The following SEMA6D variants were observed in gnomAD, a reference collection of about 807,000 sequenced individuals.
SEMA6D encodes the protein semaphorin-6D.
In SEMA6D, 35 loss-of-function variants were observed where a neutral mutation model predicts 106.6. That is an observed-to-expected ratio of 0.33 (90% CI 0.25 to 0.44). The LOEUF (loss-of-function observed/expected upper bound fraction) is 0.44. Among genes scored for constraint, SEMA6D ranks in the 20% least tolerant of loss-of-function variants. The pLI is 1.00. For missense variants in SEMA6D, 1,185 were observed against 1,345.9 expected, an observed-to-expected ratio of 0.88 and a Z score of 1.87; for synonymous variants, 499 against 487.7, an observed-to-expected ratio of 1.02 and a Z score of -0.31.
At chr15:47,382,199 G>T (rs929723147) in intron 1 of SEMA6D, among the ~76,000 whole-genome samples, 1 of 152,120 alleles carries the variant, frequency 6.6e-6, no homozygotes, top group Non-Finnish European at 1.5e-5. Context: ...ATTACATGAT[G>T]AGTCAAGCCT....
chr15:47,244,886 G>T (rs995591349), intron 1 of SEMA6D, among the ~76,000 whole-genome samples: 11 of 152,026 alleles, frequency 7.2e-5, no homozygotes, highest in African/African-American at 2.4e-4. Context: ...ATCTGTTGTT[G>T]CCATCTTTAT....
At chr15:47,311,106 T>TA (rs2036432693) in intron 1 of SEMA6D, among the ~76,000 whole-genome samples, 1 of 152,250 alleles carries the variant, frequency 6.6e-6, no homozygotes, top group South Asian at 2.1e-4. Flanking sequence ...CAAGATATTT[T>TA]ATCAACAGAA....
At chr15:47,363,713 C>A (rs2145169901) in intron 1 of SEMA6D, among the ~76,000 whole-genome samples, 1 of 152,210 alleles carries the variant, frequency 6.6e-6, no homozygotes, top group African/African-American at 2.4e-5. Flanking sequence ...AGGTCATGGC[C>A]ACCACAGGAA....
At chr15:47,550,592 C>T (rs1442325000) in intron 3 of SEMA6D, among the ~76,000 whole-genome samples, 4 of 152,128 alleles carry the variant, frequency 2.6e-5, no homozygotes, top group Admixed American at 1.3e-4. Context: ...TGGCTGATCC[C>T]GCCATGTTGT....
chr15:47,318,457 C>G (rs1272244186), intron 1 of SEMA6D, among the ~76,000 whole-genome samples: 1 of 138,604 alleles, frequency 7.2e-6, no homozygotes, highest in Non-Finnish European at 1.6e-5. Flanking sequence ...GTGATGTTCC[C>G]CTTCGTGTGT....
chr15:47,724,561 G>A (rs117184264), intron 1 of SEMA6D, among the ~76,000 whole-genome samples: 2,630 of 152,142 alleles, frequency 0.017, 44 homozygotes, highest in Non-Finnish European at 0.027. Flanking sequence ...TTGGACAGGT[G>A]GACAGTGAGG....
In SEMA6D at chr15:47,363,171, A is replaced by G. The variant is rs184761585; in HGVS notation, c.-238-49222A>G. Among the ~76,000 whole-genome samples the G allele has an allele frequency of 2.5e-3, 388 of 152,286 alleles. 2 individuals are homozygous for G. Among genetic ancestry groups the G allele is most frequent in the African/African-American group, 8.6e-3 (357 of 41,560 alleles). On this transcript the variant is annotated intron_variant, in intron 1 of 19. Transcript: ENST00000558014. ...ATAGATAATATTATTCTCTTTTACA[A>G]ATGAAGATCTGAGGCATAAAGAGGT...
chr15:47,727,619 A>G (rs766228770), intron 1 of SEMA6D, among the ~76,000 whole-genome samples: 1 of 152,236 alleles, frequency 6.6e-6, no homozygotes, highest in Non-Finnish European at 1.5e-5. Flanking sequence ...GAAAGACTAA[A>G]GAAAGTAATA....
At chr15:47,186,813 T>G (rs769477405) in intron 1 of SEMA6D, among the ~76,000 whole-genome samples, 1 of 152,188 alleles carries the variant, frequency 6.6e-6, no homozygotes, top group African/African-American at 2.4e-5. Flanking sequence ...TCTTCTGAAG[T>G]CTCCAGACTC....
At chr15:47,373,280 G>A (rs1033814168) in intron 1 of SEMA6D, among the ~76,000 whole-genome samples, 6 of 152,166 alleles carry the variant, frequency 3.9e-5, no homozygotes, top group Admixed American at 3.3e-4. Flanking sequence ...GATTTTAGTA[G>A]ACAGGAGAGC....
chr15:47,662,096 T>C (rs1476997209), intron 4 of SEMA6D, among the ~76,000 whole-genome samples: 1 of 152,178 alleles, frequency 6.6e-6, no homozygotes, highest in Non-Finnish European at 1.5e-5. Context: ...AGTGTATCAG[T>C]GGGTGTCTGC....
intron 3 of SEMA6D, among the ~76,000 whole-genome samples, chr15:47,591,670 G>A (rs1470239283): frequency 6.6e-6 from 1 of 152,176 alleles, no homozygotes; most frequent in African/African-American, 2.4e-5. Flanking sequence ...GCCTGAGACT[G>A]TAGGAAAAAC....
At chr15:47,255,803 T>C (rs1378780725) in intron 1 of SEMA6D, among the ~76,000 whole-genome samples, 1 of 152,198 alleles carries the variant, frequency 6.6e-6, no homozygotes, top group Admixed American at 6.5e-5. Flanking sequence ...TGCTTATCTC[T>C]AAAAGTGTTA....
intron 3 of SEMA6D, among the ~76,000 whole-genome samples, chr15:47,489,269 A>G (rs2043391565): frequency 6.6e-6 from 1 of 152,182 alleles, no homozygotes; most frequent in Non-Finnish European, 1.5e-5. Context: ...TGGAGGGGGC[A>G]CCGCCCTGCC....
At chr15:47,548,670 A>T (rs58036281) in intron 3 of SEMA6D, among the ~76,000 whole-genome samples, 9,047 of 152,148 alleles carry the variant, frequency 0.059, 307 homozygotes, top group South Asian at 0.089. Context: ...GAAACTAGGG[A>T]TTTGGTTTAT....
At chr15:47,670,496 A>G (rs1214020093) in intron 4 of SEMA6D, among the ~76,000 whole-genome samples, 1 of 152,216 alleles carries the variant, frequency 6.6e-6, no homozygotes, top group East Asian at 1.9e-4. Context: ...GGAAGCAAGC[A>G]AGACATGGGG....
intron 2 of SEMA6D, among the ~76,000 whole-genome samples, chr15:47,419,587 G>C (rs2041087289): frequency 6.6e-6 from 1 of 152,080 alleles, no homozygotes; most frequent in Non-Finnish European, 1.5e-5. Flanking sequence ...GAAGAACATG[G>C]AGGACACCTA....
At chr15:47,285,737 T>C (rs995283940) in intron 1 of SEMA6D, among the ~76,000 whole-genome samples, 3 of 152,204 alleles carry the variant, frequency 2.0e-5, no homozygotes, top group African/African-American at 7.2e-5. Flanking sequence ...ATGCCTTGAC[T>C]CACTTGTAGA....
chr15:47,232,577 G>C (rs960771885), intron 1 of SEMA6D, among the ~76,000 whole-genome samples: 1 of 151,098 alleles, frequency 6.6e-6, no homozygotes, highest in Non-Finnish European at 1.5e-5. Flanking sequence ...AGCCAAGCTA[G>C]TGGGTATAAA....
Sources: allele counts gnomAD v4.1 joint callset (sites outside exome capture counted in the v4.1 genomes callset), GRCh38; gene constraint gnomAD v4.1.1; transcripts MANE v1.5; gene names NCBI Gene and HGNC (gene_info 2026-07-23, HGNC 2026-07-21).